TWIST2: variants seen among roughly 807,000 people sequenced by gnomAD.
TWIST2 encodes twist family bHLH transcription factor 2.
TWIST2 carries 1 observed loss-of-function variant against 11.6 expected under a neutral mutation model. The ratio of observed to expected loss-of-function variants is 0.09; its 90% CI spans 0.03 to 0.41. The LOEUF is 0.41. Among genes scored for constraint, TWIST2 ranks in the 10% least tolerant of loss-of-function variants. The pLI, the probability that TWIST2 is intolerant of heterozygous loss-of-function variation, is 0.98. For missense variants in TWIST2, 168 were observed against 226.4 expected, an observed-to-expected ratio of 0.74 and a Z score of 1.66; for synonymous variants, 87 against 96.6, an observed-to-expected ratio of 0.90 and a Z score of 0.58.
intron 1 of TWIST2, among the ~76,000 whole-genome samples, chr2:238,868,905 AC>A (rs1222823450): frequency 6.6e-6 from 1 of 152,208 alleles, no homozygotes; most frequent in Non-Finnish European, 1.5e-5. Context: ...GGTGGCATCC[AC>A]CTGCATTCTC....
intron 1 of TWIST2, among the ~76,000 whole-genome samples, chr2:238,873,677 C>A (rs868634882): frequency 6.6e-6 from 1 of 152,142 alleles, no homozygotes; most frequent in Non-Finnish European, 1.5e-5. Flanking sequence ...TGCACGGTGC[C>A]AGGGGAGGAC....
chr2:238,870,134 A>ACC (rs1559273437), intron 1 of TWIST2, among the ~76,000 whole-genome samples: 1 of 63,414 alleles, frequency 1.6e-5, no homozygotes, highest in Non-Finnish European at 3.0e-5. Flanking sequence ...CCACACACAC[A>ACC]CCACACCCCA....
intron 1 of TWIST2, among the ~76,000 whole-genome samples, chr2:238,865,614 G>A (rs1485955442): frequency 6.6e-6 from 1 of 152,114 alleles, no homozygotes; most frequent in African/African-American, 2.4e-5. Flanking sequence ...GCTTTGGGTG[G>A]CCCAGCCACA....
intron 1 of TWIST2, among the ~76,000 whole-genome samples, chr2:238,896,005 C>G (rs1185029005): frequency 6.6e-6 from 1 of 152,214 alleles, no homozygotes; most frequent in African/African-American, 2.4e-5. Context: ...GTGAAGTCCT[C>G]GCTCCCCTGG....
chr2:238,860,903 C>A (rs975934228), intron 1 of TWIST2, among the ~76,000 whole-genome samples: 1 of 152,080 alleles, frequency 6.6e-6, no homozygotes, highest in Non-Finnish European at 1.5e-5. Context: ...GCGCCACTGC[C>A]CTCCAGCCTG....
chr2:238,879,104 G>C (rs1225943954), intron 1 of TWIST2, among the ~76,000 whole-genome samples: 1 of 152,176 alleles, frequency 6.6e-6, no homozygotes, highest in African/African-American at 2.4e-5. Flanking sequence ...AGGTTGTCTC[G>C]GCCGTCCTGG....
chr2:238,875,757 G>T (rs1485544778), intron 1 of TWIST2, among the ~76,000 whole-genome samples: 3 of 152,134 alleles, frequency 2.0e-5, no homozygotes, highest in Non-Finnish European at 2.9e-5. Context: ...GAGTCTCTTC[G>T]CATTTCTCCC....
rs1473261776 is a variant in TWIST2, at chr2:238,864,046, G to A, written c.*35+15313G>A. Among the ~76,000 whole-genome samples, 3 of 152,102 alleles carry A rather than the reference G, an allele frequency of 2.0e-5. No homozygotes were observed. The highest frequency in any genetic ancestry group is 6.5e-5 in the Admixed American group (1 of 15,280). On this transcript the variant is annotated intron_variant, in intron 1 of 1. Coordinates refer to ENST00000612363, the MANE Select transcript of TWIST2 (RefSeq NM_001271893.4). This position sits in a 1 kb window ranked among gnomAD's most constrained non-coding sequence, Gnocchi z 4.7. Reference sequence around the variant, plus strand: ...GATTCTTCGCCATAATCTAATTTTCGTTAAGCCTGTCTTCCTTTACACCCT... The same window carrying A: ...GATTCTTCGCCATAATCTAATTTTCATTAAGCCTGTCTTCCTTTACACCCT...
At chr2:238,875,997 G>A (rs570056020) in intron 1 of TWIST2, among the ~76,000 whole-genome samples, 6 of 152,334 alleles carry the variant, frequency 3.9e-5, no homozygotes, top group South Asian at 4.1e-4. Context: ...GGGGGACCCC[G>A]AGGCCCTGGC....
intron 1 of TWIST2, among the ~76,000 whole-genome samples, chr2:238,897,763 C>T (rs1393018128): frequency 6.6e-6 from 1 of 152,250 alleles, no homozygotes; most frequent in African/African-American, 2.4e-5. Context: ...CAGCTTCATG[C>T]TGGCACTGCC....
chr2:238,885,686 G>A (rs1166189442), intron 1 of TWIST2, among the ~76,000 whole-genome samples: 1 of 152,104 alleles, frequency 6.6e-6, no homozygotes, highest in East Asian at 1.9e-4. Context: ...GGAGATGAAG[G>A]GAGTATGACT....
chr2:238,862,821 C>T lies in TWIST2; in HGVS notation c.*35+14088C>T, dbSNP rs572889311. 4.6e-5 allele frequency among the ~76,000 whole-genome samples: 7 copies of T among 152,296 alleles called. No homozygotes were observed. In the South Asian group the frequency reaches 1.5e-3, roughly 32 times the overall value. The stretch of plus-strand genomic sequence containing the variant: ...ATAGGTGGGATAAACTCTGCTTGGT[C>T]CATATGCTGGAACACTATGCAGTCA... On this transcript the variant is annotated intron_variant, in intron 1 of 1. Coordinates refer to ENST00000612363, the MANE Select transcript of TWIST2 (RefSeq NM_001271893.4).
chr2:238,892,725 C>A (rs1169820541), intron 1 of TWIST2, among the ~76,000 whole-genome samples: 2 of 152,126 alleles, frequency 1.3e-5, no homozygotes, highest in African/African-American at 4.8e-5. Flanking sequence ...AGGGAATCTG[C>A]CTGCCTCAGC....
chr2:238,892,927 G>A (rs1173243326), intron 1 of TWIST2, among the ~76,000 whole-genome samples: 1 of 152,174 alleles, frequency 6.6e-6, no homozygotes, highest in Non-Finnish European at 1.5e-5. Context: ...TATTCATGTG[G>A]TGCAGAAGTT....
chr2:238,853,612 G>A (rs1692282896), intron 1 of TWIST2, among the ~76,000 whole-genome samples: 1 of 152,192 alleles, frequency 6.6e-6, no homozygotes, highest in Non-Finnish European at 1.5e-5. Flanking sequence ...CCTGAATGCT[G>A]ATTTGGAAAT....
At chr2:238,858,087 T>C (rs1287237833) in intron 1 of TWIST2, among the ~76,000 whole-genome samples, 1 of 152,198 alleles carries the variant, frequency 6.6e-6, no homozygotes, top group Non-Finnish European at 1.5e-5. Context: ...TACTGTTTCC[T>C]GAAAGTTGCA....
intron 1 of TWIST2, among the ~76,000 whole-genome samples, chr2:238,904,773 G>C (rs1693321330): frequency 6.6e-6 from 1 of 152,070 alleles, no homozygotes; most frequent in South Asian, 2.1e-4. Flanking sequence ...GGAATGGAAG[G>C]AAGAAAGGGA....
In TWIST2 at chr2:238,860,514, G is replaced by A. The variant is rs192101692; in HGVS notation, c.*35+11781G>A. On this transcript the variant is annotated intron_variant, in intron 1 of 1. Transcript: ENST00000612363. ...TTATTCAGCCAGATTTTGAGACACT[G>A]ATAGAAGCCCCAGAGATGGTGTTGG... Among the ~76,000 whole-genome samples the A allele has an allele frequency of 2.4e-4, 36 of 152,340 alleles. No individual in the cohort carries two copies. The East Asian group carries it at 6.9e-3, about 29-fold the overall frequency.
chr2:238,905,860 T>TGGGTGCGTGC (rs1553572603), intron 1 of TWIST2, among the ~76,000 whole-genome samples: 846 of 55,234 alleles, frequency 0.015, 10 homozygotes, highest in Non-Finnish European at 0.011. Context: ...TGTGTGCGTG[T>TGGGTGCGTGC]GTGTGCGTGC....
Sources: gnomAD v4.1 joint callset for allele counts (sites outside exome capture counted in the v4.1 genomes callset) on GRCh38, gnomAD v4.1.1 for gene constraint, Gnocchi (gnomAD v3.1) non-coding constraint, MANE v1.5 for transcripts, NCBI Gene and HGNC (gene_info 2026-07-23, HGNC 2026-07-21) for gene names.